Variants in CFAP47 observed in about 807,000 individuals in gnomAD.
CFAP47 encodes cilia- and flagella-associated protein 47.
Under a neutral mutation model 148.1 loss-of-function variants are expected in CFAP47, and 29 were observed. The ratio of observed to expected loss-of-function variants is 0.20; its 90% CI spans 0.15 to 0.27. CFAP47 has a LOEUF of 0.27. Ranked by LOEUF, CFAP47 falls within the 10% of genes least tolerant of loss-of-function variation. The pLI is 1.00. For synonymous variants in CFAP47, 664 were observed against 577.3 expected (o/e 1.15, Z -2.15); for missense variants, 1,872 against 1,697.5 (o/e 1.10, Z -1.81).
intron 2 of CFAP47, among the ~76,000 whole-genome samples, chrX:35,937,303 T>C (rs1435960269): frequency 9.3e-6 from 1 of 107,989 alleles, no homozygotes; most frequent in Non-Finnish European, 1.9e-5. Context: ...CTGGCTCACC[T>C]GGTGTGTTCA....
Position 36,033,096 on chromosome X carries a change from G to A in CFAP47, c.3651+1749G>A, listed in dbSNP as rs191077638. Among the ~76,000 whole-genome samples, 412 of 112,050 alleles carry A rather than the reference G, an allele frequency of 3.7e-3. 1 individual carries two copies. The highest frequency in any genetic ancestry group is 6.2e-3 in the Non-Finnish European group (331 of 53,061). On this transcript the variant is annotated intron_variant, in intron 23 of 63. Transcript: ENST00000378653. ...TCTTAGCCAAATGATATTTGCGTTG[G>A]ACTTCTAATCTACAGAACTGTGATA...
chrX:35,923,881 G>A (rs1191119232), intron 1 of CFAP47, among the ~76,000 whole-genome samples: 1 of 78,858 alleles, frequency 1.3e-5, no homozygotes, highest in African/African-American at 8.0e-5. Flanking sequence ...ATGTATATAT[G>A]TACATATATA....
At chrX:36,309,065 T>A (rs184072914) in intron 55 of CFAP47, among the ~76,000 whole-genome samples, 1 of 111,609 alleles carries the variant, frequency 9.0e-6, no homozygotes, top group East Asian at 2.8e-4. Flanking sequence ...GGAGCAGTAG[T>A]AAGCAGCAAA....
At chrX:36,206,278 A>G (rs186657973) in intron 45 of CFAP47, among the ~76,000 whole-genome samples, 1 of 112,217 alleles carries the variant, frequency 8.9e-6, no homozygotes, top group African/African-American at 3.2e-5. Context: ...CAGCTTTTCA[A>G]TGTGCTATTA....
At chrX:36,173,439 T>A (rs1374071076) in intron 39 of CFAP47, among the ~76,000 whole-genome samples, 4 of 111,887 alleles carry the variant, frequency 3.6e-5, no homozygotes, top group Non-Finnish European at 7.5e-5. Flanking sequence ...GGGCATTTAG[T>A]GCTATAAATT....
At chrX:36,373,049 G>A (rs1941987454) in intron 62 of CFAP47, among the ~76,000 whole-genome samples, 3 of 111,420 alleles carry the variant, frequency 2.7e-5, no homozygotes. Context: ...GCTAGTTGGA[G>A]TGTTTACAGA....
intron 18 of CFAP47, among the ~76,000 whole-genome samples, chrX:35,996,488 T>G (rs367985306): frequency 4.1e-4 from 46 of 111,135 alleles, no homozygotes; most frequent in Middle Eastern, 4.7e-3. Context: ...TTTACTTTCT[T>G]AGATATAATA....
At chrX:36,331,627 T>A (rs1275260479) in intron 57 of CFAP47, among the ~76,000 whole-genome samples, 1 of 111,814 alleles carries the variant, frequency 8.9e-6, no homozygotes, top group Non-Finnish European at 1.9e-5. Flanking sequence ...TCTAGTTTTA[T>A]CTTGCCAAAA....
At position 35,970,857 on chromosome X, in the gene CFAP47, A is replaced by G; in HGVS notation, c.1904A>G (p.Glu635Gly). Reference protein sequence around the residue: ...TFEKQQKKLHENYYAMYLKYL... With the variant: ...TFEKQQKKLHGNYYAMYLKYL... Reference sequence around the variant, plus strand: ...GAAAAACAGCAAAAGAAATTACATGAAAACTATTATGCAATGTATCTTAAA... The same window carrying G: ...GAAAAACAGCAAAAGAAATTACATGGAAACTATTATGCAATGTATCTTAAA... Residue 635 changes from glutamate to glycine, a missense_variant, in exon 11 of 64, where the codon GAA becomes GGA. Transcript: ENST00000378653. The G allele has an allele frequency of 8.4e-7, 1 of 1,189,763 alleles. No individual in the cohort carries two copies.
chrX:35,958,502 A>G (rs925997248), intron 8 of CFAP47, among the ~76,000 whole-genome samples: 4 of 112,079 alleles, frequency 3.6e-5, no homozygotes, highest in African/African-American at 1.3e-4. Flanking sequence ...CCAGCAATAA[A>G]TGAACATTCC....
chrX:36,039,114 C>T lies in CFAP47; in HGVS notation c.3942C>T (p.Phe1314=), dbSNP rs760543117. The T allele has an allele frequency of 4.5e-6, 5 of 1,105,045 alleles. No homozygotes were observed. Among genetic ancestry groups the T allele is most frequent in the Non-Finnish European group, 6.1e-6 (5 of 819,804 alleles). The allele number at this position is 1,105,045 out of a possible 1,213,427, so 91.1% of individuals were successfully genotyped here. A position where few individuals can be genotyped will look rare whatever the true frequency, so the allele number is the denominator to read the frequency against. The change falls in exon 25 of 64, where the codon TTC becomes TTT. Residue 1314 remains phenylalanine, a synonymous_variant. Coordinates refer to ENST00000378653, the MANE Select transcript of CFAP47 (RefSeq NM_001304548.2). ...ELLFDPPFIF[F]TPVPLDITTV... ...TGTTTGACCCTCCATTTATATTTTT[C>T]ACTCCTGTTCCTTTGGATATAACAA...
chrX:36,326,706 A>G (rs1556013127), intron 57 of CFAP47, among the ~76,000 whole-genome samples: 2 of 112,196 alleles, frequency 1.8e-5, no homozygotes, highest in Non-Finnish European at 3.8e-5. Context: ...ATTTCTAAGC[A>G]GCAAAGTGTT....
intron 45 of CFAP47, among the ~76,000 whole-genome samples, chrX:36,218,422 T>C (rs1940180520): frequency 9.0e-6 from 1 of 111,669 alleles, no homozygotes; most frequent in African/African-American, 3.2e-5. Context: ...AATCCGAAAA[T>C]TCAACAGCAG....
chrX:36,069,513 A>G (rs1490826879), intron 27 of CFAP47, among the ~76,000 whole-genome samples: 2 of 111,705 alleles, frequency 1.8e-5, no homozygotes, highest in Admixed American at 1.9e-4. Flanking sequence ...GAAATATTTC[A>G]AAAGAAAGAA....
chrX:36,185,388 G>C (rs1245866445), intron 40 of CFAP47, among the ~76,000 whole-genome samples: 1 of 110,574 alleles, frequency 9.0e-6, no homozygotes, highest in East Asian at 2.9e-4. Flanking sequence ...GAATTGAGGG[G>C]GTCAGGGCAG....
intron 45 of CFAP47, among the ~76,000 whole-genome samples, chrX:36,217,656 G>A (rs782508001): frequency 1.7e-4 from 19 of 111,351 alleles, no homozygotes; most frequent in African/African-American, 5.5e-4. Flanking sequence ...CTGGTTTTCT[G>A]CGCAATCCAA....
chrX:35,974,577 T>C (rs975404930), intron 13 of CFAP47, among the ~76,000 whole-genome samples: 2 of 111,709 alleles, frequency 1.8e-5, no homozygotes, highest in Admixed American at 1.9e-4. Context: ...GTCTTTATTG[T>C]GGTGATTGTT....
chrX:36,246,068 G>A (rs1038917091), intron 48 of CFAP47, among the ~76,000 whole-genome samples: 2 of 111,217 alleles, frequency 1.8e-5, no homozygotes, highest in Non-Finnish European at 3.8e-5. Context: ...ATTTTATTAA[G>A]GATCTAATTA....
At chrX:36,089,859 A>G (rs1366164289) in intron 30 of CFAP47, among the ~76,000 whole-genome samples, 1 of 111,988 alleles carries the variant, frequency 8.9e-6, no homozygotes, top group Non-Finnish European at 1.9e-5. Context: ...GAAATAATAT[A>G]ACGTGAATCA....
Sources: gnomAD v4.1 joint callset for allele counts (sites outside exome capture counted in the v4.1 genomes callset) on GRCh38, gnomAD v4.1.1 for gene constraint, MANE v1.5 for transcripts, NCBI Gene and HGNC (gene_info 2026-07-23, HGNC 2026-07-21) for gene names.